THEMIS: variants seen among roughly 807,000 people sequenced by gnomAD.
THEMIS encodes thymocyte selection associated.
THEMIS carries 37 observed loss-of-function variants against 52.6 expected under a neutral mutation model. The ratio of observed to expected loss-of-function variants is 0.70; its 90% confidence interval spans 0.54 to 0.93. THEMIS has a LOEUF of 0.93. Among genes scored for constraint, THEMIS ranks in the 40% least tolerant of loss-of-function variants. The pLI is 0.00. For synonymous variants in THEMIS, 292 were observed against 272.7 expected (o/e 1.07, Z -0.70); for missense variants, 808 against 763.1 (o/e 1.06, Z -0.69).
intron 4 of THEMIS, among the ~76,000 whole-genome samples, chr6:127,782,325 T>C (rs1776773580): frequency 6.6e-6 from 1 of 152,122 alleles, no homozygotes; most frequent in Non-Finnish European, 1.5e-5. Flanking sequence ...CTCACTGGCA[T>C]TCCAGGTTCC....
At chr6:127,909,182 T>G (rs1781350059) in intron 1 of THEMIS, among the ~76,000 whole-genome samples, 1 of 152,164 alleles carries the variant, frequency 6.6e-6, no homozygotes, top group Admixed American at 6.6e-5. Flanking sequence ...TTGCTTAACC[T>G]GACAAATGTA....
intron 4 of THEMIS, among the ~76,000 whole-genome samples, chr6:127,760,729 A>T (rs1445788352): frequency 6.6e-6 from 1 of 152,114 alleles, no homozygotes; most frequent in Non-Finnish European, 1.5e-5. Context: ...GTGAACTATG[A>T]TCATGCCACT....
rs1346358892 is a variant in THEMIS, at chr6:127,825,057, TATG to T, written c.709+4416_709+4418del. On this transcript the variant is annotated intron_variant, in intron 3 of 5. Coordinates refer to ENST00000368248, the MANE Select transcript of THEMIS (RefSeq NM_001010923.3). Reference sequence around the variant, plus strand: ...AGAAATAACTCTTGGAAATTAAAAATATGATAACGAAAATTAAAAATTCATTAA... The same window carrying T: ...AGAAATAACTCTTGGAAATTAAAAATATAACGAAAATTAAAAATTCATTAA... 4.6e-5 allele frequency among the ~76,000 whole-genome samples: 7 copies of T among 152,080 alleles called. No homozygotes were observed. In the East Asian group the frequency reaches 7.7e-4, roughly 17 times the overall value.
chr6:127,787,920 A>C (rs440576), intron 4 of THEMIS, among the ~76,000 whole-genome samples: 17 of 135,554 alleles, frequency 1.3e-4, no homozygotes, highest in Non-Finnish European at 2.6e-4. Context: ...TAGATAGATA[A>C]ATAGATGCTC....
chr6:127,700,571 C>A, the THEMIS span, among the ~76,000 whole-genome samples: 1 of 151,848 alleles, frequency 6.6e-6, no homozygotes, highest in Non-Finnish European at 1.5e-5. Context: ...AAGGAACATG[C>A]TGAAGAAAAT....
At chr6:127,844,408 T>A (rs1009286264) in intron 2 of THEMIS, among the ~76,000 whole-genome samples, 1 of 151,940 alleles carries the variant, frequency 6.6e-6, no homozygotes, top group African/African-American at 2.4e-5. Flanking sequence ...ATTTCCTTCA[T>A]GTCTGCTACC....
At chr6:127,763,732 T>A (rs1776099960) in intron 4 of THEMIS, among the ~76,000 whole-genome samples, 1 of 151,932 alleles carries the variant, frequency 6.6e-6, no homozygotes, top group African/African-American at 2.4e-5. Flanking sequence ...ATGTGTATAA[T>A]ATAAGTACTA....
At chr6:127,768,047 G>T (rs1019118452) in intron 4 of THEMIS, among the ~76,000 whole-genome samples, 4 of 151,972 alleles carry the variant, frequency 2.6e-5, no homozygotes, top group Non-Finnish European at 4.4e-5. Context: ...TATGATAGAG[G>T]CCCTCCAAAA....
chr6:127,906,951 AAC>A (rs1491337365), intron 1 of THEMIS, among the ~76,000 whole-genome samples: 13 of 147,862 alleles, frequency 8.8e-5, no homozygotes, highest in African/African-American at 3.3e-4. Flanking sequence ...AATGTTAAAA[AAC>A]AAAAAAAAAA....
At chr6:127,849,091 T>C (rs1468864146) in intron 2 of THEMIS, among the ~76,000 whole-genome samples, 1 of 152,084 alleles carries the variant, frequency 6.6e-6, no homozygotes, top group Admixed American at 6.6e-5. Flanking sequence ...CCATCTTGAA[T>C]TAATTTTTGT....
intron 1 of THEMIS, among the ~76,000 whole-genome samples, chr6:127,865,172 G>GGCTTT (rs1243685908): frequency 6.6e-6 from 1 of 152,074 alleles, no homozygotes; most frequent in Non-Finnish European, 1.5e-5. Flanking sequence ...CATACAGTGT[G>GGCTTT]GCCAAGGACC....
intron 5 of THEMIS, among the ~76,000 whole-genome samples, chr6:127,716,676 C>T (rs575218204): frequency 1.9e-4 from 29 of 152,066 alleles, no homozygotes; most frequent in African/African-American, 6.5e-4. Flanking sequence ...CAACTTTCCA[C>T]ATGTAAATCA....
chr6:127,777,312 C>T (rs1776599765), intron 4 of THEMIS, among the ~76,000 whole-genome samples: 1 of 151,130 alleles, frequency 6.6e-6, no homozygotes, highest in South Asian at 2.1e-4. Context: ...CCTCATTTAT[C>T]TACTTTTAGA....
At chr6:127,724,818 C>T (rs931258842) in intron 4 of THEMIS, among the ~76,000 whole-genome samples, 1 of 151,810 alleles carries the variant, frequency 6.6e-6, no homozygotes, top group Non-Finnish European at 1.5e-5. Context: ...ATAAATATTA[C>T]CAAAAAAAGT....
intron 2 of THEMIS, among the ~76,000 whole-genome samples, chr6:127,850,111 C>A (rs542801317): frequency 6.6e-6 from 1 of 151,770 alleles, no homozygotes; most frequent in Non-Finnish European, 1.5e-5. Flanking sequence ...AGACTATACA[C>A]ATATGAACAA....
At chr6:127,700,349 T>C in the THEMIS span, among the ~76,000 whole-genome samples, 1 of 151,836 alleles carries the variant, frequency 6.6e-6, no homozygotes, top group East Asian at 1.9e-4. Flanking sequence ...CAGCCCAGCT[T>C]GAGATTTCCT....
chr6:127,790,507 T>G (rs192306951), intron 4 of THEMIS, among the ~76,000 whole-genome samples: 1 of 152,360 alleles, frequency 6.6e-6, no homozygotes, highest in Non-Finnish European at 1.5e-5. Flanking sequence ...TTTCTTTTGA[T>G]ATATATTTTT....
chr6:127,849,084 T>C (rs927685473), intron 2 of THEMIS, among the ~76,000 whole-genome samples: 48 of 152,226 alleles, frequency 3.2e-4, no homozygotes, highest in African/African-American at 1.1e-3. Context: ...CTTTACTCCA[T>C]CTTGAATTAA....
At chr6:127,789,564 A>G (rs987121277) in intron 4 of THEMIS, among the ~76,000 whole-genome samples, 2 of 152,082 alleles carry the variant, frequency 1.3e-5, no homozygotes, top group African/African-American at 4.8e-5. Context: ...CTGGCAGAAA[A>G]ACAACAAAAA....
Sources: allele counts gnomAD v4.1 joint callset (sites outside exome capture counted in the v4.1 genomes callset), GRCh38; gene constraint gnomAD v4.1.1; transcripts MANE v1.5; gene names NCBI Gene and HGNC (gene_info 2026-07-23, HGNC 2026-07-21).